AGBL1: variants seen among roughly 807,000 people sequenced by gnomAD.
The protein encoded by AGBL1 is AGBL carboxypeptidase 1.
In AGBL1, 130 loss-of-function variants were observed where a neutral mutation model predicts 118.9. The observed-to-expected ratio is 1.09, with a 90% confidence interval of 0.95 to 1.26. AGBL1 has a LOEUF of 1.26. Among genes scored for constraint, AGBL1 ranks in the 50% most tolerant of loss-of-function variants. AGBL1 has a pLI of 0.00. For missense variants in AGBL1, 1,584 were observed against 1,298.1 expected, an observed-to-expected ratio of 1.22 and a Z score of -3.38; for synonymous variants, 555 against 478.9, an observed-to-expected ratio of 1.16 and a Z score of -2.08.
chr15:86,702,883 C>A (rs1472330823), intron 22 of AGBL1, among the ~76,000 whole-genome samples: 8 of 151,726 alleles, frequency 5.3e-5, no homozygotes, highest in Non-Finnish European at 1.0e-4. Context: ...GGACTATAAT[C>A]TCTGTGCTTA....
At chr15:86,316,556 A>AC (rs1269969135) in intron 17 of AGBL1, among the ~76,000 whole-genome samples, 2 of 151,954 alleles carry the variant, frequency 1.3e-5, no homozygotes, top group Non-Finnish European at 2.9e-5. Context: ...TGTGGAGGTG[A>AC]CCCCACTTCA....
intron 7 of AGBL1, among the ~76,000 whole-genome samples, chr15:86,252,118 G>A (rs904765451): frequency 6.6e-6 from 1 of 152,170 alleles, no homozygotes; most frequent in African/African-American, 2.4e-5. Flanking sequence ...CATTTCTAAC[G>A]AGTTCTCAGG....
intron 21 of AGBL1, among the ~76,000 whole-genome samples, chr15:86,607,622 G>A (rs1371550250): frequency 6.6e-6 from 1 of 152,044 alleles, no homozygotes; most frequent in East Asian, 1.9e-4. Context: ...GGTGTGTAGT[G>A]GTATCTCACT....
At chr15:86,566,814 T>C (rs1463944131) in intron 21 of AGBL1, among the ~76,000 whole-genome samples, 2 of 152,146 alleles carry the variant, frequency 1.3e-5, no homozygotes, top group Non-Finnish European at 2.9e-5. Flanking sequence ...TTTTTAATAA[T>C]AGATGTATAC....
intron 22 of AGBL1, among the ~76,000 whole-genome samples, chr15:86,886,298 T>A (rs887941727): frequency 1.3e-5 from 2 of 152,244 alleles, no homozygotes; most frequent in Non-Finnish European, 2.9e-5. Context: ...CTTGAAGTTA[T>A]AGCAAGTTAT....
intron 19 of AGBL1, among the ~76,000 whole-genome samples, chr15:86,533,937 G>A (rs1472303522): frequency 1.2e-5 from 1 of 85,970 alleles, no homozygotes; most frequent in East Asian, 3.8e-4. Context: ...ACAGGAAGGG[G>A]AATATCACAC....
intron 21 of AGBL1, among the ~76,000 whole-genome samples, chr15:86,649,758 C>T (rs529418668): frequency 6.8e-6 from 1 of 146,406 alleles, no homozygotes; most frequent in Admixed American, 6.7e-5. Context: ...TTTTATTCAA[C>T]ATTCTTTTTT....
At chr15:86,278,625 C>T (rs1418954045) in intron 15 of AGBL1, among the ~76,000 whole-genome samples, 1 of 152,140 alleles carries the variant, frequency 6.6e-6, no homozygotes, top group East Asian at 1.9e-4. Flanking sequence ...TATTTCTTCC[C>T]TTCCCCTTCC....
At position 86,843,358 on chromosome 15, in the gene AGBL1, A is replaced by G. The variant is rs561468988; in HGVS notation, c.3159-63729A>G. 9.0e-4 allele frequency among the ~76,000 whole-genome samples: 137 copies of G among 152,214 alleles called. 1 individual carries two copies. The highest frequency in any genetic ancestry group is 1.5e-3 in the Non-Finnish European group (102 of 68,006). On this transcript the variant is annotated intron_variant, in intron 22 of 22. Transcript: ENST00000614907. ...AGGACTTTTTTTTTTTCTTTTTTAA[A>G]AAATAATTCACAAATGGTGAAAGGT...
intron 21 of AGBL1, among the ~76,000 whole-genome samples, chr15:86,560,413 G>A (rs1026365102): frequency 1.3e-5 from 2 of 151,676 alleles, no homozygotes; most frequent in African/African-American, 2.4e-5. Flanking sequence ...CCCTGCAACA[G>A]TTGGCTGAGA....
At chr15:86,404,832 T>C (rs190213651) in intron 18 of AGBL1, among the ~76,000 whole-genome samples, 119 of 152,314 alleles carry the variant, frequency 7.8e-4, no homozygotes, top group African/African-American at 2.8e-3. Flanking sequence ...CATGAAGGCT[T>C]CTTTGTGGAC....
In AGBL1 at chr15:86,907,266, C is replaced by G. The variant is rs1303873006; in HGVS notation, c.3338C>G (p.Pro1113Arg). The G allele has an allele frequency of 6.6e-6, 1 of 152,288 alleles. No individual in the cohort carries two copies. Among genetic ancestry groups the G allele is most frequent in the Non-Finnish European group, 1.5e-5 (1 of 68,216 alleles). The allele number at this position is 152,288 out of a possible 1,614,324, so 9.4% of individuals were successfully genotyped here. A position where few individuals can be genotyped will look rare whatever the true frequency, so the allele number is the denominator to read the frequency against. ...KFEGEEEEEA[P>R]GQGGEAIP Reference sequence around the variant, plus strand: ...GAGGGAGAGGAAGAAGAGGAGGCACCAGGGCAGGGAGGAGAAGCCATCCCA... The same window carrying G: ...GAGGGAGAGGAAGAAGAGGAGGCACGAGGGCAGGGAGGAGAAGCCATCCCA... The change falls in exon 23 of 23, where the codon CCA becomes CGA. Residue 1113 changes from proline to arginine, a missense_variant. Pro to Arg is a moderately radical substitution (Grantham distance 103). Coordinates refer to ENST00000614907, the MANE Select transcript of AGBL1 (RefSeq NM_001386094.1).
chr15:86,984,252 T>C (rs2081258173), intron 23 of AGBL1, among the ~76,000 whole-genome samples: 1 of 152,222 alleles, frequency 6.6e-6, no homozygotes, highest in Non-Finnish European at 1.5e-5. Context: ...ACTAATGATG[T>C]TGAATATCTT....
At chr15:86,760,658 C>CA (rs1033120738) in intron 22 of AGBL1, among the ~76,000 whole-genome samples, 1 of 152,060 alleles carries the variant, frequency 6.6e-6, no homozygotes, top group African/African-American at 2.4e-5. Context: ...TTCCCCTCTG[C>CA]AAAAAGAAAT....
At chr15:86,130,205 C>A (rs555665867) in intron 1 of AGBL1, among the ~76,000 whole-genome samples, 8 of 152,136 alleles carry the variant, frequency 5.3e-5, no homozygotes, top group Admixed American at 5.2e-4. Flanking sequence ...CACACCTGTC[C>A]TCTGAGACTC....
chr15:86,192,587 G>T (rs2077740643), intron 5 of AGBL1, among the ~76,000 whole-genome samples: 1 of 152,050 alleles, frequency 6.6e-6, no homozygotes, highest in South Asian at 2.1e-4. Flanking sequence ...CTTTGACCCA[G>T]AAATTTCACT....
chr15:86,527,084 C>A (rs2083278456), intron 19 of AGBL1, among the ~76,000 whole-genome samples: 1 of 152,200 alleles, frequency 6.6e-6, no homozygotes, highest in Non-Finnish European at 1.5e-5. Flanking sequence ...TCTTAGAAGG[C>A]ACTGTAATCT....
At chr15:86,585,235 C>T (rs2084228529) in intron 21 of AGBL1, among the ~76,000 whole-genome samples, 1 of 152,022 alleles carries the variant, frequency 6.6e-6, no homozygotes, top group African/African-American at 2.4e-5. Flanking sequence ...TTTATTTGTG[C>T]AAATGCCCCA....
chr15:86,791,399 T>C (rs1596484138), intron 22 of AGBL1, among the ~76,000 whole-genome samples: 1 of 152,152 alleles, frequency 6.6e-6, no homozygotes, highest in Non-Finnish European at 1.5e-5. Context: ...TGCATGATCA[T>C]TTCAGAATTA....
Sources: gnomAD v4.1 joint callset for allele counts (sites outside exome capture counted in the v4.1 genomes callset) on GRCh38, gnomAD v4.1.1 for gene constraint, MANE v1.5 for transcripts, NCBI Gene and HGNC (gene_info 2026-07-23, HGNC 2026-07-21) for gene names.